Variants in PRKCE observed in about 807,000 individuals in gnomAD.
PRKCE encodes the protein protein kinase C epsilon.
PRKCE carries 16 observed loss-of-function variants against 85.4 expected under a neutral mutation model. The ratio of observed to expected loss-of-function variants is 0.19; its 90% CI spans 0.13 to 0.28. The LOEUF (loss-of-function observed/expected upper bound fraction) is 0.28. Among genes scored for constraint, PRKCE ranks in the 10% least tolerant of loss-of-function variants. PRKCE has a pLI of 1.00. For synonymous variants in PRKCE, 388 were observed against 371.5 expected (o/e 1.04, Z -0.51); for missense variants, 573 against 975.2 (o/e 0.59, Z 5.49).
At position 46,004,467 on chromosome 2, in the gene PRKCE, C is replaced by G; in HGVS notation, c.967-75C>G. 1 of 1,220,140 alleles carries G rather than the reference C, an allele frequency of 8.2e-7. No individual in the cohort carries two copies. The highest frequency in any genetic ancestry group is 1.2e-6 in the Non-Finnish European group (1 of 859,524). The allele number at this position is 1,220,140 out of a possible 1,614,324, so 75.6% of individuals were successfully genotyped here. A position where few individuals can be genotyped will look rare whatever the true frequency, so the allele number is the denominator to read the frequency against. ...AACTCTCATGGCTCTTATACGGCATCTTGATGCTTTTGACATCAGAAAACT... is the reference window on the plus strand; with the variant it reads ...AACTCTCATGGCTCTTATACGGCATGTTGATGCTTTTGACATCAGAAAACT... On this transcript the variant is annotated intron_variant, in intron 7 of 14. Transcript: ENST00000306156. The surrounding 1 kb of genome is among the most constrained non-coding windows in gnomAD (Gnocchi z 4.1).
At chr2:45,977,199 T>C (rs1000538739) in intron 3 of PRKCE, among the ~76,000 whole-genome samples, 1 of 152,182 alleles carries the variant, frequency 6.6e-6, no homozygotes, top group Non-Finnish European at 1.5e-5. Flanking sequence ...ACCCAGCTGA[T>C]TGTGTGTTTT....
intron 1 of PRKCE, among the ~76,000 whole-genome samples, chr2:45,796,838 GA>G (rs1687475897): frequency 6.6e-6 from 1 of 152,162 alleles, no homozygotes; most frequent in Non-Finnish European, 1.5e-5. Flanking sequence ...GACTGCTCAT[GA>G]ACTCCTGGCC....
At chr2:46,108,840 T>G (rs1027224122) in intron 11 of PRKCE, among the ~76,000 whole-genome samples, 3 of 152,212 alleles carry the variant, frequency 2.0e-5, no homozygotes, top group African/African-American at 7.2e-5. Context: ...TGTTTGATAT[T>G]TAGATCTATG....
chr2:45,850,180 C>A (rs1036039536), intron 2 of PRKCE, among the ~76,000 whole-genome samples: 1 of 152,206 alleles, frequency 6.6e-6, no homozygotes, highest in African/African-American at 2.4e-5. Context: ...CTTTTGATCA[C>A]AACTAGAGCC....
chr2:46,092,711 C>T (rs1381949239), intron 11 of PRKCE, among the ~76,000 whole-genome samples: 7 of 152,176 alleles, frequency 4.6e-5, no homozygotes, highest in East Asian at 1.9e-4. Context: ...ACTGAGGTCT[C>T]TAGCTGTGCC....
chr2:45,984,422 G>C lies in PRKCE; in HGVS notation c.694-129G>C, dbSNP rs111413594. On this transcript the variant is annotated intron_variant, in intron 5 of 14. Coordinates refer to ENST00000306156, the MANE Select transcript of PRKCE (RefSeq NM_005400.3). ...TTTTCACCTCAGGGCAGCTTTTAGA[G>C]CCAAGCTAGGGCCTGCCACCTACAA... 2.7e-4 allele frequency: 375 copies of C among 1,365,624 alleles called. No homozygotes were observed. In the African/African-American group the frequency reaches 5.1e-3, roughly 18 times the overall value. The allele number at this position is 1,365,624 out of a possible 1,614,324, so 84.6% of individuals were successfully genotyped here.
rs557957183 is a variant in PRKCE, at chr2:46,177,657, G to A, written c.2068-7078G>A. On this transcript the variant is annotated intron_variant, in intron 14 of 14. Coordinates refer to ENST00000306156, the MANE Select transcript of PRKCE (RefSeq NM_005400.3). Reference sequence around the variant, plus strand: ...AATGACCTCATCTTCGTTTGATTACGTCTGCAAAGAACTTATTTCCAAATA... The same window carrying A: ...AATGACCTCATCTTCGTTTGATTACATCTGCAAAGAACTTATTTCCAAATA... Among the ~76,000 whole-genome samples, 20 of 152,210 alleles carry A rather than the reference G, an allele frequency of 1.3e-4. No homozygotes were observed. In the South Asian group the frequency reaches 1.9e-3, roughly 14 times the overall value.
At position 46,145,373 on chromosome 2, in the gene PRKCE, G is replaced by A; in HGVS notation, c.1731+142G>A. 8 of 1,218,214 alleles carry A rather than the reference G, an allele frequency of 6.6e-6. No individual in the cohort carries two copies. The Admixed American group carries it at 7.0e-5, about 11-fold the overall frequency. The allele number at this position is 1,218,214 out of a possible 1,614,324, so 75.5% of individuals were successfully genotyped here. ...GGATTCTAGGAAGGAGGGAGAAAAG[G>A]AAAGGAAAAAAGTTTGCTGATTGAT... On this transcript the variant is annotated intron_variant, in intron 12 of 14. Transcript: ENST00000306156. The surrounding 1 kb of genome is among the most constrained non-coding windows in gnomAD (Gnocchi z 4.6).
In PRKCE at chr2:45,968,248, T is replaced by TAC. The variant is rs35474852; in HGVS notation, c.413-8162_413-8161dup. On this transcript the variant is annotated intron_variant, in intron 2 of 14. Coordinates refer to ENST00000306156, the MANE Select transcript of PRKCE (RefSeq NM_005400.3). ...GTCAATGAGTGGATAAAGAAAATAT[T>TAC]ACACACACACACACACACACCATGG... 5.6e-3 allele frequency among the ~76,000 whole-genome samples: 852 copies of TAC among 151,224 alleles called. 7 individuals are homozygous for TAC. The highest frequency in any genetic ancestry group is 0.011 in the African/African-American group (470 of 41,194).
rs933775777 is a variant in PRKCE, at chr2:45,999,303, T to C, written c.824-2101T>C. 4.6e-5 allele frequency among the ~76,000 whole-genome samples: 7 copies of C among 152,166 alleles called. 1 individual carries two copies. The highest frequency in any genetic ancestry group is 2.9e-5 in the Non-Finnish European group (2 of 68,020). ...TAAATTCCTTCCATTTTTGTTTGTC[T>C]GAGGAAGTTTTAATTTCTCCTTCAC... is the stretch of plus-strand genomic sequence containing the variant. On this transcript the variant is annotated intron_variant, in intron 6 of 14. Transcript: ENST00000306156.
rs185312969 is a variant in PRKCE at position 45,651,911 on chromosome 2, G to A, written c.-190G>A. The A allele has an allele frequency of 5.0e-4, 251 of 502,108 alleles. No homozygotes were observed. Among genetic ancestry groups the A allele is most frequent in the African/African-American group, 4.6e-3 (240 of 52,036 alleles). 31.1% of individuals were successfully genotyped at this position (502,108 alleles called of 1,614,324 possible). On this transcript the variant is annotated 5_prime_UTR_variant, in exon 1 of 15. Coordinates refer to ENST00000306156, the MANE Select transcript of PRKCE (RefSeq NM_005400.3). Reference sequence around the variant, plus strand: ...CTCCCTGTTTTCCGTTAGGAACCCGGCGAGGAAATACATGCACTGGCTGAG... The same window carrying A: ...CTCCCTGTTTTCCGTTAGGAACCCGACGAGGAAATACATGCACTGGCTGAG...
chr2:45,953,568 A>G (rs1700772035), intron 2 of PRKCE, among the ~76,000 whole-genome samples: 5 of 152,336 alleles, frequency 3.3e-5, no homozygotes. Context: ...ACACTCATTC[A>G]GTGTCACTGC....
At chr2:46,023,193 G>C (rs2104892088) in intron 10 of PRKCE, among the ~76,000 whole-genome samples, 1 of 151,774 alleles carries the variant, frequency 6.6e-6, no homozygotes, top group East Asian at 1.9e-4. Flanking sequence ...GTTCTGGCCA[G>C]TTGGCCAACT....
intron 2 of PRKCE, among the ~76,000 whole-genome samples, chr2:45,928,527 C>A (rs997250265): frequency 1.3e-5 from 2 of 152,224 alleles, no homozygotes; most frequent in Non-Finnish European, 2.9e-5. Context: ...GCCTCGGCTT[C>A]CCAAAGTGCT....
At chr2:46,165,236 TTAC>T (rs1260986916) in intron 14 of PRKCE, among the ~76,000 whole-genome samples, 1 of 152,232 alleles carries the variant, frequency 6.6e-6, no homozygotes, top group African/African-American at 2.4e-5. Context: ...CTCAGCTCTC[TTAC>T]GTACTCTCCC....
intron 2 of PRKCE, among the ~76,000 whole-genome samples, chr2:45,844,531 G>T (rs1296259327): frequency 6.6e-6 from 1 of 152,200 alleles, no homozygotes; most frequent in Admixed American, 6.5e-5. Context: ...AAGCAGTGAG[G>T]TGAAGCCTTG....
rs71912599 is a variant in PRKCE at position 45,830,293 on chromosome 2, CGAGA to C, written c.349-12686_349-12683del. 6.2e-3 allele frequency among the ~76,000 whole-genome samples: 905 copies of C among 146,064 alleles called. 3 individuals carry two copies. Among genetic ancestry groups the C allele is most frequent in the Non-Finnish European group, 9.3e-3 (619 of 66,380 alleles). On this transcript the variant is annotated intron_variant, in intron 1 of 14. Coordinates refer to ENST00000306156, the MANE Select transcript of PRKCE (RefSeq NM_005400.3). ...TGCTGCATTCATAAACAAAAACAAACGAGAGAGAGAGAGAGAGAGAGAGAAATGA... is the reference window on the plus strand; with the variant it reads ...TGCTGCATTCATAAACAAAAACAAACGAGAGAGAGAGAGAGAGAGAAATGA...
intron 2 of PRKCE, among the ~76,000 whole-genome samples, chr2:45,929,484 A>G (rs1364291338): frequency 6.6e-6 from 1 of 152,188 alleles, no homozygotes; most frequent in Non-Finnish European, 1.5e-5. Context: ...CTAAGGGAGC[A>G]TGAAAGAAAA....
rs1028195428 is a variant in PRKCE at position 45,774,776 on chromosome 2, A to G, written c.349-68224A>G. ...GACTCTTTCCTGGAGGGACCCACCC[A>G]AGCTGCACATTCCCAGGGCCAGTGC... On this transcript the variant is annotated intron_variant, in intron 1 of 14. Transcript: ENST00000306156. This position sits in a 1 kb window ranked among gnomAD's most constrained non-coding sequence, Gnocchi z 4.3. 3.3e-5 allele frequency among the ~76,000 whole-genome samples: 5 copies of G among 152,030 alleles called. No homozygotes were observed. Among genetic ancestry groups the G allele is most frequent in the African/African-American group, 1.2e-4 (5 of 41,420 alleles).
Sources: allele counts gnomAD v4.1 joint callset (sites outside exome capture counted in the v4.1 genomes callset), GRCh38; gene constraint gnomAD v4.1.1; non-coding constraint Gnocchi (gnomAD v3.1); transcripts MANE v1.5; gene names NCBI Gene and HGNC (gene_info 2026-07-23, HGNC 2026-07-21).